VIPR2: variants seen among roughly 807,000 people sequenced by gnomAD.
The protein encoded by VIPR2 is vasoactive intestinal peptide receptor 2.
VIPR2 carries 48 observed loss-of-function variants against 58.0 expected under a neutral mutation model. The observed-to-expected ratio is 0.83, with a 90% CI of 0.66 to 1.05. The LOEUF (loss-of-function observed/expected upper bound fraction) is 1.05, where lower values mean the gene tolerates loss of function less well. Ranked by LOEUF, VIPR2 falls within the 50% of genes least tolerant of loss-of-function variation. VIPR2 has a pLI of 0.00. For missense variants in VIPR2, 534 were observed against 558.0 expected (o/e 0.96, Z 0.43); for synonymous variants, 243 against 235.2 (o/e 1.03, Z -0.30).
Position 159,031,619 on chromosome 7 carries a change from G to A in VIPR2, c.1143+209C>T. ...CGATGCTACTTAGGGTGGACGGAAG[G>A]ACGGCGGGGTTTGGAAGCTGGGCCC... On this transcript the variant is annotated intron_variant, in intron 12 of 12. Coordinates refer to ENST00000262178, the MANE Select transcript of VIPR2 (RefSeq NM_003382.5). This position sits in a 1 kb window ranked among gnomAD's most constrained non-coding sequence, Gnocchi z 4.0. The A allele has an allele frequency of 1.0e-6, 1 of 985,446 alleles. No homozygotes were observed. The allele number at this position is 985,446 out of a possible 1,614,324, so 61.0% of individuals were successfully genotyped here.
Position 159,110,431 on chromosome 7 carries a change from A to C in VIPR2, c.152-512T>G, listed in dbSNP as rs567944712. Among the ~76,000 whole-genome samples, 128 of 152,356 alleles carry C rather than the reference A, an allele frequency of 8.4e-4. No homozygotes were observed. In the South Asian group the frequency reaches 0.025, roughly 30 times the overall value. ...AATTTGCATAATGCATAGCTTAAAC[A>C]TTTTTAGACCTACTATTTGGTCTTA... On this transcript the variant is annotated intron_variant, in intron 2 of 12. Coordinates refer to ENST00000262178, the MANE Select transcript of VIPR2 (RefSeq NM_003382.5).
At chr7:159,060,301 A>C (rs552081769) in intron 4 of VIPR2, among the ~76,000 whole-genome samples, 7 of 150,770 alleles carry the variant, frequency 4.6e-5, no homozygotes, top group Middle Eastern at 3.5e-3. Context: ...CTCAAGCCTC[A>C]TCTAACCCAT....
intron 6 of VIPR2, among the ~76,000 whole-genome samples, chr7:159,042,301 T>A (rs561527146): frequency 2.0e-5 from 3 of 152,212 alleles, no homozygotes; most frequent in African/African-American, 7.2e-5. Context: ...CACGAATCCT[T>A]CACAAAGATG....
intron 2 of VIPR2, among the ~76,000 whole-genome samples, chr7:159,133,648 T>C (rs1351559796): frequency 6.6e-6 from 1 of 152,244 alleles, no homozygotes; most frequent in Non-Finnish European, 1.5e-5. Flanking sequence ...TCTGCTTCTG[T>C]CTGTTTGGTT....
rs1174202206 is a variant in VIPR2 at position 159,031,778 on chromosome 7, A to T, written c.1143+50T>A. On this transcript the variant is annotated intron_variant, in intron 12 of 12. Coordinates refer to ENST00000262178, the MANE Select transcript of VIPR2 (RefSeq NM_003382.5). This position sits in a 1 kb window ranked among gnomAD's most constrained non-coding sequence, Gnocchi z 4.0. The stretch of plus-strand genomic sequence containing the variant: ...GCGGCACCAGGCTGGGCAGCATCTC[A>T]GGAAGCAAGTGAGTACCTGTGCTTG... 6.2e-7 allele frequency: 1 copy of T among 1,613,274 alleles called. No individual in the cohort carries two copies. The highest frequency in any genetic ancestry group is 8.5e-7 in the Non-Finnish European group (1 of 1,179,924).
chr7:159,110,868 A>T (rs910316948), intron 2 of VIPR2, among the ~76,000 whole-genome samples: 4 of 152,250 alleles, frequency 2.6e-5, no homozygotes, highest in Non-Finnish European at 5.9e-5. Context: ...AAAGCTGGCC[A>T]TAAGCTAAGT....
Position 159,030,666 on chromosome 7 carries a change from G to C in VIPR2, c.1267C>G (p.Arg423Gly), listed in dbSNP as rs754862872. The part of the protein sequence containing the change: ...NGSEGALQFH[R>G]GSRAQSFLQT... ...AGGAAGGACTGGGCGCGGGAGCCGC[G>C]GTGGAACTGCAGGGCGCCCTCCGAG... is the stretch of plus-strand genomic sequence containing the variant. The change falls in exon 13 of 13, where the codon CGC becomes GGC. Residue 423 changes from arginine (R) to glycine (G), a missense_variant. Physicochemically the swap from Arg to Gly is moderately radical, Grantham distance 125. Transcript: ENST00000262178. The C allele has an allele frequency of 6.4e-7, 1 of 1,563,738 alleles. No homozygotes were observed. The highest frequency in any genetic ancestry group is 8.7e-7 in the Non-Finnish European group (1 of 1,155,620).
intron 4 of VIPR2, among the ~76,000 whole-genome samples, chr7:159,065,218 C>A (rs948449653): frequency 5.3e-5 from 8 of 152,174 alleles, no homozygotes; most frequent in African/African-American, 1.9e-4. Flanking sequence ...GGATCTCAAC[C>A]CCTGGATTTA....
chr7:159,143,473 T>A (rs189615552), intron 1 of VIPR2, among the ~76,000 whole-genome samples: 1 of 152,284 alleles, frequency 6.6e-6, no homozygotes, highest in South Asian at 2.1e-4. Flanking sequence ...TATCTTACTA[T>A]TGAAATGGTC....
At chr7:159,079,278 C>A (rs1428062426) in intron 4 of VIPR2, among the ~76,000 whole-genome samples, 1 of 152,202 alleles carries the variant, frequency 6.6e-6, no homozygotes, top group African/African-American at 2.4e-5. Context: ...GTCTCTCAGA[C>A]CACACTGCAA....
chr7:159,094,359 G>A (rs934330235), intron 4 of VIPR2, among the ~76,000 whole-genome samples: 3 of 152,212 alleles, frequency 2.0e-5, no homozygotes, highest in African/African-American at 7.2e-5. Flanking sequence ...GGAAAGTTGA[G>A]CCCATGGCTG....
intron 5 of VIPR2, among the ~76,000 whole-genome samples, chr7:159,048,971 G>A (rs989618891): frequency 1.3e-5 from 2 of 152,136 alleles, no homozygotes; most frequent in African/African-American, 4.8e-5. Flanking sequence ...CTCATTCTTA[G>A]CCTTCAGTTT....
At chr7:159,132,483 A>G (rs1796960384) in intron 2 of VIPR2, among the ~76,000 whole-genome samples, 1 of 152,144 alleles carries the variant, frequency 6.6e-6, no homozygotes, top group African/African-American at 2.4e-5. Flanking sequence ...CTCAGGTAAG[A>G]AAAATGTGAG....
rs1280796080 is a variant in VIPR2, at chr7:159,097,561, C to A, written c.357+6196G>T. 6.6e-6 allele frequency among the ~76,000 whole-genome samples: 1 copy of A among 152,134 alleles called. No homozygotes were observed. The highest frequency in any genetic ancestry group is 1.5e-5 in the Non-Finnish European group (1 of 68,020). On this transcript the variant is annotated intron_variant, in intron 4 of 12. Coordinates refer to ENST00000262178, the MANE Select transcript of VIPR2 (RefSeq NM_003382.5). This position sits in a 1 kb window ranked among gnomAD's most constrained non-coding sequence, Gnocchi z 5.3. ...AGAGATTCTACTGCCTTGCCCCTGC[C>A]TGACCCTGACTCAAGGAGGGAGGCC...
chr7:159,085,166 A>G (rs1857105990), intron 4 of VIPR2, among the ~76,000 whole-genome samples: 1 of 152,212 alleles, frequency 6.6e-6, no homozygotes, highest in Admixed American at 6.5e-5. Flanking sequence ...GACTGTCAGG[A>G]CCATCGTCAT....
At chr7:159,073,511 G>A (rs370360204) in intron 4 of VIPR2, among the ~76,000 whole-genome samples, 30 of 152,180 alleles carry the variant, frequency 2.0e-4, no homozygotes, top group African/African-American at 6.3e-4. Context: ...TCTGCCTCCC[G>A]GGTTCAAGTG....
intron 4 of VIPR2, among the ~76,000 whole-genome samples, chr7:159,073,751 T>G (rs1041341761): frequency 1.3e-5 from 2 of 152,084 alleles, no homozygotes; most frequent in African/African-American, 4.8e-5. Context: ...ATTTCTTAGG[T>G]CTCATTAGAA....
intron 4 of VIPR2, among the ~76,000 whole-genome samples, chr7:159,082,844 A>T (rs1856981475): frequency 6.6e-6 from 1 of 152,224 alleles, no homozygotes; most frequent in Non-Finnish European, 1.5e-5. Context: ...ATGGACAGAG[A>T]GGCAGCTATC....
At chr7:159,060,962 A>G (rs954149124) in intron 4 of VIPR2, among the ~76,000 whole-genome samples, 1 of 152,212 alleles carries the variant, frequency 6.6e-6, no homozygotes, top group Non-Finnish European at 1.5e-5. Context: ...CCTATTCACA[A>G]AGCAAAGACA....
Sources: gnomAD v4.1 joint callset for allele counts (sites outside exome capture counted in the v4.1 genomes callset) on GRCh38, gnomAD v4.1.1 for gene constraint, Gnocchi (gnomAD v3.1) non-coding constraint, MANE v1.5 for transcripts, NCBI Gene and HGNC (gene_info 2026-07-23, HGNC 2026-07-21) for gene names.